The following NYAP2 variants were observed in gnomAD, a reference collection of about 807,000 sequenced individuals.
The protein encoded by NYAP2 is neuronal tyrosine-phosphorylated phosphoinositide-3-kinase adaptor 2, also known as neuronal tyrosine-phosphorylated phosphoinositide-3-kinase adapter 2.
NYAP2 carries 23 observed loss-of-function variants against 50.4 expected under a neutral mutation model. The ratio of observed to expected loss-of-function variants is 0.46; its 90% CI spans 0.33 to 0.65. The LOEUF (loss-of-function observed/expected upper bound fraction) is 0.65, where lower values mean the gene tolerates loss of function less well. NYAP2 is among the 30% of genes least tolerant of loss of function. The pLI is 0.02. For missense variants in NYAP2, 885 were observed against 861.0 expected, an observed-to-expected ratio of 1.03 and a Z score of -0.35; for synonymous variants, 394 against 365.2, an observed-to-expected ratio of 1.08 and a Z score of -0.90.
Position 225,651,483 on chromosome 2 carries a change from C to A in NYAP2, c.1880C>A (p.Pro627His), listed in dbSNP as rs1284253691. The A allele has an allele frequency of 1.9e-6, 3 of 1,614,000 alleles. No homozygotes were observed. The Admixed American group carries it at 5.0e-5, about 27-fold the overall frequency. The change falls in exon 7 of 7, where the codon CCT (proline) becomes CAT (histidine). Residue 627 changes from proline (P) to histidine (H), a missense_variant. Pro to His is a moderately conservative substitution (Grantham distance 77). Transcript: ENST00000636099. The stretch of plus-strand genomic sequence containing the variant: ...CGGTCTGCGTCGACGTCAGGTGTGC[C>A]TCCTCCATCAGTCACTCCCCTCAGG...
chr2:225,691,811 A>C, the NYAP2 span, among the ~76,000 whole-genome samples: 1 of 152,110 alleles, frequency 6.6e-6, no homozygotes, highest in Non-Finnish European at 1.5e-5. Flanking sequence ...CTCCTGGAGA[A>C]ACTTCCCTTA....
intron 6 of NYAP2, among the ~76,000 whole-genome samples, chr2:225,637,952 G>A (rs1003646065): frequency 1.4e-4 from 21 of 152,302 alleles, no homozygotes; most frequent in African/African-American, 3.4e-4. Flanking sequence ...AAGCTTGACT[G>A]CAGAAGCAGA....
intron 4 of NYAP2, among the ~76,000 whole-genome samples, chr2:225,520,714 C>G (rs1691037659): frequency 6.6e-6 from 1 of 152,116 alleles, no homozygotes; most frequent in South Asian, 2.1e-4. Context: ...CGTGATGCCT[C>G]CAGCTTTGTT....
chr2:225,530,450 T>A (rs1288151654), intron 4 of NYAP2, among the ~76,000 whole-genome samples: 1 of 152,214 alleles, frequency 6.6e-6, no homozygotes, highest in Non-Finnish European at 1.5e-5. Context: ...CCCTATCCTT[T>A]GGTATGTCTC....
At chr2:225,638,713 G>A (rs1382533237) in intron 6 of NYAP2, among the ~76,000 whole-genome samples, 1 of 152,200 alleles carries the variant, frequency 6.6e-6, no homozygotes, top group African/African-American at 2.4e-5. Flanking sequence ...CAGAGCTTCA[G>A]TGTCAAACAC....
chr2:225,661,604 G>A, the NYAP2 span, among the ~76,000 whole-genome samples: 3 of 152,236 alleles, frequency 2.0e-5, no homozygotes, highest in South Asian at 4.1e-4. Flanking sequence ...ACCTATTGAA[G>A]GTCTTATAAC....
chr2:225,518,682 A>C (rs555379632), intron 4 of NYAP2, among the ~76,000 whole-genome samples: 263 of 148,496 alleles, frequency 1.8e-3, no homozygotes, highest in African/African-American at 6.3e-3. Flanking sequence ...CATATTTCAA[A>C]ATAACATATT....
intron 3 of NYAP2, among the ~76,000 whole-genome samples, chr2:225,468,658 A>T (rs1689963156): frequency 6.6e-6 from 1 of 152,220 alleles, no homozygotes; most frequent in Non-Finnish European, 1.5e-5. Context: ...TCAAAGGAGC[A>T]CTTTAGGAAA....
chr2:225,606,358 A>T (rs1692787398), intron 5 of NYAP2, among the ~76,000 whole-genome samples: 1 of 152,124 alleles, frequency 6.6e-6, no homozygotes, highest in Non-Finnish European at 1.5e-5. Context: ...TACCAATTTT[A>T]TTTTCTCCAA....
chr2:225,547,345 C>A (rs1216461014), intron 4 of NYAP2, among the ~76,000 whole-genome samples: 1 of 152,182 alleles, frequency 6.6e-6, no homozygotes, highest in Non-Finnish European at 1.5e-5. Flanking sequence ...ATCATGTGCC[C>A]TGCAAATCCA....
chr2:225,419,782 A>G (rs949063818), intron 3 of NYAP2, among the ~76,000 whole-genome samples: 2 of 152,156 alleles, frequency 1.3e-5, no homozygotes, highest in South Asian at 2.1e-4. Context: ...GACTATCTCA[A>G]TAACATCACA....
At chr2:225,520,837 G>A (rs1228940935) in intron 4 of NYAP2, among the ~76,000 whole-genome samples, 1 of 152,140 alleles carries the variant, frequency 6.6e-6, no homozygotes, top group Non-Finnish European at 1.5e-5. Flanking sequence ...GATGGGGATA[G>A]TATTGAATCT....
intron 3 of NYAP2, among the ~76,000 whole-genome samples, chr2:225,437,806 C>T (rs1156321400): frequency 2.0e-5 from 3 of 152,184 alleles, no homozygotes; most frequent in Non-Finnish European, 4.4e-5. Context: ...TTTCAGAAAT[C>T]ATGTCAAACC....
downstream of NYAP2, among the ~76,000 whole-genome samples, chr2:225,655,505 T>C (rs1193543057): frequency 1.3e-5 from 2 of 152,062 alleles, no homozygotes; most frequent in African/African-American, 4.8e-5. Context: ...TGCACAGGAG[T>C]CATGTATTAT....
At chr2:225,659,635 A>G in the NYAP2 span, among the ~76,000 whole-genome samples, 1 of 152,238 alleles carries the variant, frequency 6.6e-6, no homozygotes, top group East Asian at 1.9e-4. Flanking sequence ...ATAGACAAAA[A>G]CCTGAGATAG....
At chr2:225,408,520 C>A (rs562845260) in intron 2 of NYAP2, among the ~76,000 whole-genome samples, 5 of 151,962 alleles carry the variant, frequency 3.3e-5, no homozygotes, top group Non-Finnish European at 7.4e-5. Flanking sequence ...ATCTTATATA[C>A]CTTCTTTGTG....
intron 3 of NYAP2, among the ~76,000 whole-genome samples, chr2:225,428,729 A>G (rs1695323017): frequency 6.6e-6 from 1 of 152,208 alleles, no homozygotes; most frequent in Admixed American, 6.5e-5. Flanking sequence ...GATTCCTGGG[A>G]AAGCATCAGG....
chr2:225,489,487 C>T (rs756412242), intron 3 of NYAP2, among the ~76,000 whole-genome samples: 64 of 152,036 alleles, frequency 4.2e-4, no homozygotes, highest in Non-Finnish European at 6.3e-4. Context: ...TGTGAGTCAT[C>T]GTGCCCGGTC....
chr2:225,527,858 G>C lies in NYAP2; in HGVS notation c.523+14186G>C, dbSNP rs189194599. On this transcript the variant is annotated intron_variant, in intron 4 of 6. Transcript: ENST00000636099. Reference sequence around the variant, plus strand: ...AGACAAGGTCTTGTTATGTTGCCTGGGCTCATCTCAAACTCCTGACTCAAA... The same window carrying C: ...AGACAAGGTCTTGTTATGTTGCCTGCGCTCATCTCAAACTCCTGACTCAAA... Among the ~76,000 whole-genome samples the C allele has an allele frequency of 3.9e-5, 6 of 152,042 alleles. No homozygotes were observed. In the East Asian group the frequency reaches 9.7e-4, roughly 24 times the overall value.
Sources: gnomAD v4.1 joint callset for allele counts (sites outside exome capture counted in the v4.1 genomes callset) on GRCh38, gnomAD v4.1.1 for gene constraint, MANE v1.5 for transcripts, NCBI Gene and HGNC (gene_info 2026-07-23, HGNC 2026-07-21) for gene names.